Variants in EGLN2 observed in about 807,000 individuals in gnomAD.
The protein encoded by EGLN2 is egl-9 family hypoxia inducible factor 2.
Under a neutral mutation model 38.2 loss-of-function variants are expected in EGLN2, and 15 were observed. The observed-to-expected ratio is 0.39, with a 90% CI of 0.26 to 0.60. The LOEUF is 0.60. Ranked by LOEUF, EGLN2 falls within the 20% of genes least tolerant of loss-of-function variation. The pLI, the probability that EGLN2 is intolerant of heterozygous loss-of-function variation, is 0.50. For synonymous variants in EGLN2, 284 were observed against 237.4 expected (o/e 1.20, Z -1.81); for missense variants, 492 against 570.4 (o/e 0.86, Z 1.40).
chr19:40,802,725 G>A (rs1011350208), intron 2 of EGLN2, among the ~76,000 whole-genome samples: 3 of 152,260 alleles, frequency 2.0e-5, no homozygotes, highest in African/African-American at 7.2e-5. Context: ...CATGGGTGGT[G>A]TGGGGGCCTG....
rs76443752 is a variant in EGLN2 at position 40,806,707 on chromosome 19, G to C, written c.963+33G>C. ...TGAGGGTGAGGGTGAGGGTGGCGCT[G>C]GGGCTAGGGCTGGGGCGGGGGTGGC... On this transcript the variant is annotated intron_variant, in intron 3 of 5. Coordinates refer to ENST00000303961, the MANE Select transcript of EGLN2 (RefSeq NM_080732.4). The C allele has an allele frequency of 0.15, 245,458 of 1,609,506 alleles. 20,559 individuals carry two copies. The highest frequency in any genetic ancestry group is 0.19 in the Middle Eastern group (1,175 of 6,046).
rs2083257364 is a variant in EGLN2 at position 40,801,420 on chromosome 19, G to A, written c.843+5G>A. 6.3e-7 allele frequency: 1 copy of A among 1,598,592 alleles called. No individual in the cohort carries two copies. The highest frequency in any genetic ancestry group is 1.3e-5 in the African/African-American group (1 of 74,842). On this transcript the variant is annotated splice_donor_5th_base_variant and intron_variant, in intron 2 of 5. Coordinates refer to ENST00000303961, the MANE Select transcript of EGLN2 (RefSeq NM_080732.4). ...GTCATCAACGGGCGCACCAAGGTAA[G>A]GCTAGGTGGGGGCCTCTTTGGAGGG...
At position 40,808,127 on chromosome 19, in the gene EGLN2, A is replaced by C; in HGVS notation, c.*263A>C. 3 of 572,020 alleles carry C rather than the reference A, an allele frequency of 5.2e-6. No homozygotes were observed. The South Asian group carries it at 6.7e-5, about 13-fold the overall frequency. The allele number at this position is 572,020 out of a possible 1,614,324, so 35.4% of individuals were successfully genotyped here. ...AACTGAAGCTGGGGGCCTGGGTCCT[A>C]CCCTGTCTGGTCATGACCCCATTAG... On this transcript the variant is annotated 3_prime_UTR_variant, in exon 6 of 6. Transcript: ENST00000303961.
At chr19:40,805,093 T>G (rs543452026) in intron 2 of EGLN2, 1 of 152,364 alleles carries the variant, frequency 6.6e-6, no homozygotes, top group Non-Finnish European at 1.5e-5. Flanking sequence ...CATCCTGTTG[T>G]GGCAGTGGCC....
rs2083253500 is a variant in EGLN2 at position 40,801,081 on chromosome 19, T to C, written c.509T>C (p.Leu170Pro). Residue 170 changes from leucine (L) to proline (P), a missense_variant, in exon 2 of 6, where the codon CTG (leucine) becomes CCG (proline). Leu to Pro is a moderately conservative substitution (Grantham distance 98). This residue lies in a region of EGLN2 where 378 missense variants were observed against 386.2 expected (regional missense o/e 0.98). Transcript: ENST00000303961. ...AGTGCTGGGCTGATGGAGGAGGCGC[T>C]GCCCTCTGCGCCCGAGCGCCTGGCC... The part of the protein sequence containing the change: ...EASAGLMEEA[L>P]PSAPERLALD... 1 of 1,612,614 alleles carries C rather than the reference T, an allele frequency of 6.2e-7. No homozygotes were observed. The highest frequency in any genetic ancestry group is 1.7e-5 in the Admixed American group (1 of 60,014).
chr19:40,799,595 G>T (rs2083235222), intron 1 of EGLN2: 2 of 152,094 alleles, frequency 1.3e-5, no homozygotes, highest in African/African-American at 2.4e-5. Flanking sequence ...GGGGCGTTGG[G>T]GTGCCCTGGA....
chr19:40,801,057 G>A lies in EGLN2; in HGVS notation c.485G>A (p.Ser162Asn). The change falls in exon 2 of 6, where the codon AGT becomes AAT. Residue 162 changes from serine to asparagine, a missense_variant. Around this residue, in one of 2 missense-constraint regions of EGLN2, gnomAD observed 378 missense variants for 386.2 expected, o/e 0.98. Coordinates refer to ENST00000303961, the MANE Select transcript of EGLN2 (RefSeq NM_080732.4). Reference protein sequence around the residue: ...CSCSSGSGEASAGLMEEALPS... With the variant: ...CSCSSGSGEANAGLMEEALPS... Reference sequence around the variant, plus strand: ...TGCAGCAGTGGCAGTGGTGAGGCCAGTGCTGGGCTGATGGAGGAGGCGCTG... The same window carrying A: ...TGCAGCAGTGGCAGTGGTGAGGCCAATGCTGGGCTGATGGAGGAGGCGCTG... 1 of 1,612,906 alleles carries A rather than the reference G, an allele frequency of 6.2e-7. No homozygotes were observed. The highest frequency in any genetic ancestry group is 8.5e-7 in the Non-Finnish European group (1 of 1,179,848).
intron 2 of EGLN2, 133 bp from the exon 3 acceptor site, chr19:40,806,422 C>T: frequency 6.7e-7 from 1 of 1,487,440 alleles, no homozygotes; most frequent in Non-Finnish European, 9.0e-7. Context: ...GGGGCAGGAG[C>T]TTGGAACCCT....
chr19:40,799,534 C>A (rs1237236429), intron 1 of EGLN2: 1 of 151,702 alleles, frequency 6.6e-6, no homozygotes, highest in East Asian at 2.0e-4. Flanking sequence ...TTAGGCCCTG[C>A]CCCTGTCGCC....
Position 40,808,130 on chromosome 19 carries a change from C to T in EGLN2, c.*266C>T, listed in dbSNP as rs371429105. The T allele has an allele frequency of 1.2e-4, 69 of 571,872 alleles. No individual in the cohort carries two copies. The African/African-American group carries it at 1.2e-3, about 10-fold the overall frequency. 35.4% of individuals were successfully genotyped at this position (571,872 alleles called of 1,614,324 possible). Reference sequence around the variant, plus strand: ...TGAAGCTGGGGGCCTGGGTCCTACCCTGTCTGGTCATGACCCCATTAGGTA... The same window carrying T: ...TGAAGCTGGGGGCCTGGGTCCTACCTTGTCTGGTCATGACCCCATTAGGTA... On this transcript the variant is annotated 3_prime_UTR_variant, in exon 6 of 6. Coordinates refer to ENST00000303961, the MANE Select transcript of EGLN2 (RefSeq NM_080732.4).
chr19:40,801,305 G>C lies in EGLN2; in HGVS notation c.733G>C (p.Gly245Arg). The change falls in exon 2 of 6, where the codon GGC (glycine) becomes CGC (arginine). Residue 245 changes from glycine (G) to arginine (R), a missense_variant. Coordinates refer to ENST00000303961, the MANE Select transcript of EGLN2 (RefSeq NM_080732.4). ...TGGGGACCAGATTGCCTGGGTGGAA[G>C]GCCATGAACCAGGCTGTCGAAGCAT... ...IRGDQIAWVEGHEPGCRSIGA... is the reference protein window; with the variant it reads ...IRGDQIAWVERHEPGCRSIGA... The C allele has an allele frequency of 6.2e-7, 1 of 1,613,124 alleles. No homozygotes were observed. Among genetic ancestry groups the C allele is most frequent in the Non-Finnish European group, 8.5e-7 (1 of 1,180,044 alleles).
rs201792939 is a variant in EGLN2, at chr19:40,800,746, G to T, written c.174G>T (p.Ser58=). ...GTCCAGGAGTGCCTAGTGAGGCCTCGGCAGGGAGTGGGACCCCCAGAGCCA... is the reference window on the plus strand; with the variant it reads ...GTCCAGGAGTGCCTAGTGAGGCCTCTGCAGGGAGTGGGACCCCCAGAGCCA... ...YHCPGVPSEA[S]AGSGTPRATA... The change falls in exon 2 of 6, where the codon TCG becomes TCT. Residue 58 remains serine, a synonymous_variant. Coordinates refer to ENST00000303961, the MANE Select transcript of EGLN2 (RefSeq NM_080732.4). 65 of 1,613,596 alleles carry T rather than the reference G, an allele frequency of 4.0e-5. No individual in the cohort carries two copies. The East Asian group carries it at 1.1e-3, about 28-fold the overall frequency.
chr19:40,806,185 C>A (rs943304474), intron 2 of EGLN2: 5 of 219,896 alleles, frequency 2.3e-5, no homozygotes, highest in Non-Finnish European at 4.7e-5. Context: ...GCTGTGAGGC[C>A]ACCTCCTTGC....
At chr19:40,807,731 C>T in intron 5 of EGLN2, 78 bp from the exon 6 acceptor site, 1 of 1,523,838 alleles carries the variant, frequency 6.6e-7, no homozygotes, top group Non-Finnish European at 9.1e-7. Context: ...TCCTGGTCCT[C>T]TCCCCATCTC....
At chr19:40,802,812 G>C (rs1442181263) in intron 2 of EGLN2, among the ~76,000 whole-genome samples, 1 of 152,244 alleles carries the variant, frequency 6.6e-6, no homozygotes, top group Non-Finnish European at 1.5e-5. Context: ...GTGATGCCTG[G>C]CTGGCTGATG....
In EGLN2 at chr19:40,808,330, T is replaced by A. The variant is rs1333965914; in HGVS notation, c.*466T>A. On this transcript the variant is annotated 3_prime_UTR_variant, in exon 6 of 6. Transcript: ENST00000303961. ...CCCCTTTGGCCATGGCAGGCACCTTTTGGACTGGGCTGCCACTGCTTGGGC... is the reference window on the plus strand; with the variant it reads ...CCCCTTTGGCCATGGCAGGCACCTTATGGACTGGGCTGCCACTGCTTGGGC... The A allele has an allele frequency of 4.9e-6, 2 of 408,748 alleles. No homozygotes were observed. The highest frequency in any genetic ancestry group is 4.1e-5 in the African/African-American group (2 of 48,792). The allele number at this position is 408,748 out of a possible 1,614,324, so 25.3% of individuals were successfully genotyped here. A position where few individuals can be genotyped will look rare whatever the true frequency, so the allele number is the denominator to read the frequency against.
At chr19:40,803,865 T>C (rs1037322941) in intron 2 of EGLN2, among the ~76,000 whole-genome samples, 3 of 152,042 alleles carry the variant, frequency 2.0e-5, no homozygotes, top group Admixed American at 6.5e-5. Context: ...AGGCAGATTG[T>C]CACCAATAGC....
chr19:40,799,219 C>G lies in EGLN2; in HGVS notation c.-278C>G, dbSNP rs1015508049. The G allele has an allele frequency of 6.7e-6, 1 of 149,160 alleles. No individual in the cohort carries two copies. The highest frequency in any genetic ancestry group is 2.4e-5 in the African/African-American group (1 of 40,928). 9.2% of individuals were successfully genotyped at this position (149,160 alleles called of 1,614,324 possible). A position where few individuals can be genotyped will look rare whatever the true frequency, so the allele number is the denominator to read the frequency against. Reference sequence around the variant, plus strand: ...GTATGGCGCGCTGTGCGGCGCAGGGCGGCTGGCACAAACGGCGGCGCCGGG... The same window carrying G: ...GTATGGCGCGCTGTGCGGCGCAGGGGGGCTGGCACAAACGGCGGCGCCGGG... On this transcript the variant is annotated 5_prime_UTR_variant, in exon 1 of 6. Coordinates refer to ENST00000303961, the MANE Select transcript of EGLN2 (RefSeq NM_080732.4).
At chr19:40,801,571 T>TG (rs369233243) in intron 2 of EGLN2, among the ~76,000 whole-genome samples, 156 bp downstream of exon 2, 19 of 150,260 alleles carry the variant, frequency 1.3e-4, no homozygotes, top group East Asian at 3.9e-4. Context: ...TGTGGGGACT[T>TG]GGGGGGGTCT....
Sources: allele counts gnomAD v4.1 joint callset (sites outside exome capture counted in the v4.1 genomes callset), GRCh38; gene constraint gnomAD v4.1.1; regional missense constraint gnomAD v4.1.1; transcripts MANE v1.5; gene names NCBI Gene and HGNC (gene_info 2026-07-23, HGNC 2026-07-21).